The following MYB variants were observed in gnomAD, a reference collection of about 807,000 sequenced individuals.
The protein encoded by MYB is transcriptional activator Myb.
In MYB, 28 loss-of-function variants were observed where a neutral mutation model predicts 92.9. That is an observed-to-expected ratio of 0.30 (90% CI 0.22 to 0.41). MYB has a LOEUF of 0.41. Among genes scored for constraint, MYB ranks in the 10% least tolerant of loss-of-function variants. The pLI, the probability that MYB is intolerant of heterozygous loss-of-function variation, is 1.00. For synonymous variants in MYB, 295 were observed against 329.1 expected, an observed-to-expected ratio of 0.90 and a Z score of 1.12; for missense variants, 679 against 929.3, an observed-to-expected ratio of 0.73 and a Z score of 3.50.
intron 11 of MYB, 37 bp from the exon 12 acceptor site, chr6:135,200,048 C>CT (rs1446027844): frequency 6.8e-7 from 1 of 1,477,860 alleles, no homozygotes; most frequent in African/African-American, 1.4e-5. Flanking sequence ...GACATTTATT[C>CT]TTTTGTATTG....
intron 15 of MYB, among the ~76,000 whole-genome samples, chr6:135,216,085 A>G (rs771745680): frequency 2.6e-5 from 4 of 152,136 alleles, no homozygotes; most frequent in Non-Finnish European, 5.9e-5. Flanking sequence ...CCCTCTCTGC[A>G]TTGACTGCTA....
At chr6:135,196,055 C>T in intron 9 of MYB, 53 bp downstream of exon 9, 1 of 1,565,688 alleles carries the variant, frequency 6.4e-7, no homozygotes, top group Admixed American at 1.7e-5. Context: ...AATTAGAAAA[C>T]CCATTTCTTA....
At chr6:135,211,576 G>C (rs951334179) in intron 15 of MYB, among the ~76,000 whole-genome samples, 4 of 152,164 alleles carry the variant, frequency 2.6e-5, no homozygotes, top group African/African-American at 9.7e-5. Context: ...AATCTTAATA[G>C]TTTGGAACTC....
chr6:135,197,766 T>C (rs1043437189), intron 10 of MYB, among the ~76,000 whole-genome samples: 6 of 152,148 alleles, frequency 3.9e-5, no homozygotes, highest in Middle Eastern at 3.2e-3. Flanking sequence ...AACTAGAAAA[T>C]TTAAAGCTAG....
Position 135,181,593 on chromosome 6 carries a change from G to C in MYB, c.23+57G>C. ...GGGGGCGCGCGGGGGCGCGCGGGGC[G>C]CCAGGCTCCCGGGAGCAGGTGGGAA... On this transcript the variant is annotated intron_variant, in intron 1 of 15. Transcript: ENST00000341911. The surrounding 1 kb of genome is among the most constrained non-coding windows in gnomAD (Gnocchi z 5.3). The C allele has an allele frequency of 1.8e-6, 2 of 1,098,872 alleles. No homozygotes were observed. Among genetic ancestry groups the C allele is most frequent in the Non-Finnish European group, 2.3e-6 (2 of 886,982 alleles). 68.1% of individuals were successfully genotyped at this position (1,098,872 alleles called of 1,614,324 possible). A position where few individuals can be genotyped will look rare whatever the true frequency, so the allele number is the denominator to read the frequency against.
Position 135,190,460 on chromosome 6 carries a change from A to G in MYB, c.527+113A>G, listed in dbSNP as rs931968266. The G allele has an allele frequency of 3.1e-5, 26 of 832,052 alleles. No individual in the cohort carries two copies. Among genetic ancestry groups the G allele is most frequent in the Non-Finnish European group, 4.5e-5 (24 of 529,504 alleles). 51.5% of individuals were successfully genotyped at this position (832,052 alleles called of 1,614,324 possible). On this transcript the variant is annotated intron_variant, in intron 5 of 15. Transcript: ENST00000341911. The surrounding 1 kb of genome is among the most constrained non-coding windows in gnomAD (Gnocchi z 4.5). ...ATATTTCATCAGTCGTAAGTGTTTT[A>G]TTAGATAAACCAGCTACATAGCTTT...
At position 135,189,452 on chromosome 6, in the gene MYB, G is replaced by GAATC. The variant is rs1776361136; in HGVS notation, c.214-338_214-335dup. 3.3e-5 allele frequency among the ~76,000 whole-genome samples: 5 copies of GAATC among 152,282 alleles called. No individual in the cohort carries two copies. In the South Asian group the frequency reaches 1.0e-3, roughly 32 times the overall value. On this transcript the variant is annotated intron_variant, in intron 3 of 15. Transcript: ENST00000341911. ...GTTTCCATGAAAGCCTGACAACATAGAATCTCTATCAAGCCTCAGGCTATG... is the reference window on the plus strand; with the variant it reads ...GTTTCCATGAAAGCCTGACAACATAGAATCAATCTCTATCAAGCCTCAGGCTATG...
chr6:135,196,125 G>A, intron 9 of MYB, 123 bp downstream of exon 9: 1 of 1,028,962 alleles, frequency 9.7e-7, no homozygotes, highest in East Asian at 2.6e-5. Context: ...AAAGGTAGAA[G>A]TATGATTTTC....
In MYB at chr6:135,195,976, G is replaced by A; in HGVS notation, c.1177G>A (p.Ala393Thr). The change falls in exon 9 of 16, where the codon GCA (alanine) becomes ACA (threonine). Residue 393 changes from alanine (A) to threonine (T), a missense_variant. Coordinates refer to ENST00000341911, the MANE Select transcript of MYB (RefSeq NM_001130173.2). ...LDNVKNLLEF[A>T]ETLQFIDSDS... ...TAATGTTAAGAACCTCTTAGAATTTGCAGAAACACTCCAATTTATAGATTC... is the reference window on the plus strand; with the variant it reads ...TAATGTTAAGAACCTCTTAGAATTTACAGAAACACTCCAATTTATAGATTC... 2 of 1,613,908 alleles carry A rather than the reference G, an allele frequency of 1.2e-6. No homozygotes were observed. The highest frequency in any genetic ancestry group is 1.7e-6 in the Non-Finnish European group (2 of 1,179,800).
chr6:135,204,334 G>C (rs554186416), intron 15 of MYB, among the ~76,000 whole-genome samples: 14 of 152,112 alleles, frequency 9.2e-5, no homozygotes, highest in Non-Finnish European at 2.1e-4. Flanking sequence ...GGTCTTACCC[G>C]GTGGCCCAGG....
chr6:135,206,205 C>CAAAAAAAAAAAAA (rs67836018), intron 15 of MYB, among the ~76,000 whole-genome samples: 3 of 87,344 alleles, frequency 3.4e-5, no homozygotes, highest in Non-Finnish European at 4.3e-5. Context: ...GACTCCATCT[C>CAAAAAAAAAAAAA]AAAAAAAAAA....
chr6:135,189,699 G>A, intron 3 of MYB, 92 bp from the exon 4 acceptor site: 1 of 962,198 alleles, frequency 1.0e-6, no homozygotes, highest in South Asian at 1.4e-5. Context: ...TATTTTCACT[G>A]CATATGGTCT....
rs750042379 is a variant in MYB at position 135,200,276 on chromosome 6, A to T, written c.1825-14A>T. The stretch of plus-strand genomic sequence containing the variant: ...AGTTCTCTCTGATGCAAAAATACCC[A>T]CTCTTCCGTTTAGCCTCAGACACCC... On this transcript the variant is annotated splice_polypyrimidine_tract_variant and intron_variant, in intron 12 of 15. Coordinates refer to ENST00000341911, the MANE Select transcript of MYB (RefSeq NM_001130173.2). 6.2e-7 allele frequency: 1 copy of T among 1,613,080 alleles called. No individual in the cohort carries two copies. The highest frequency in any genetic ancestry group is 2.2e-5 in the East Asian group (1 of 44,860).
In MYB at chr6:135,198,990, T is replaced by C; in HGVS notation, c.1649T>C (p.Leu550Ser). 6.2e-7 allele frequency: 1 copy of C among 1,612,234 alleles called. No individual in the cohort carries two copies. Among genetic ancestry groups the C allele is most frequent in the East Asian group, 2.2e-5 (1 of 44,778 alleles). ...LTSTPLIGHK[L>S]TVTTPFHRDQ... is the part of the protein sequence containing the mutation. Reference sequence around the variant, plus strand: ...TCCACCCCCCTCATTGGTCACAAATTGACTGTTACAACACCATTTCATAGA... The same window carrying C: ...TCCACCCCCCTCATTGGTCACAAATCGACTGTTACAACACCATTTCATAGA... The change falls in exon 11 of 16, where the codon TTG becomes TCG. Residue 550 changes from leucine to serine, a missense_variant. Physicochemically the swap from Leu to Ser is moderately radical, Grantham distance 145. Coordinates refer to ENST00000341911, the MANE Select transcript of MYB (RefSeq NM_001130173.2).
At chr6:135,216,645 A>G (rs1348916662) in intron 15 of MYB, among the ~76,000 whole-genome samples, 2 of 152,212 alleles carry the variant, frequency 1.3e-5, no homozygotes, top group Non-Finnish European at 2.9e-5. Flanking sequence ...ACCCACAGAT[A>G]TGGGACCCAC....
At chr6:135,207,957 C>T (rs2128313496) in intron 15 of MYB, among the ~76,000 whole-genome samples, 1 of 152,070 alleles carries the variant, frequency 6.6e-6, no homozygotes, top group East Asian at 1.9e-4. Context: ...GAACTGCTGA[C>T]CTCAAGTGAT....
At chr6:135,206,727 A>T (rs376555398) in intron 15 of MYB, among the ~76,000 whole-genome samples, 2 of 152,138 alleles carry the variant, frequency 1.3e-5, no homozygotes, top group African/African-American at 4.8e-5. Flanking sequence ...ATCTGCTATA[A>T]TAGATACTAA....
intron 3 of MYB, among the ~76,000 whole-genome samples, chr6:135,188,504 T>G (rs1301518097): frequency 6.7e-6 from 1 of 148,906 alleles, no homozygotes; most frequent in Admixed American, 6.7e-5. Context: ...TTTTTTTTTT[T>G]TTGTTTTTTG....
chr6:135,203,658 A>G (rs1778457053), intron 15 of MYB: 1 of 1,268,826 alleles, frequency 7.9e-7, no homozygotes, highest in Non-Finnish European at 1.1e-6. Context: ...TTATAAAAAT[A>G]TATCAATATA....
Sources: allele counts gnomAD v4.1 joint callset (sites outside exome capture counted in the v4.1 genomes callset), GRCh38; gene constraint gnomAD v4.1.1; non-coding constraint Gnocchi (gnomAD v3.1); transcripts MANE v1.5; gene names NCBI Gene and HGNC (gene_info 2026-07-23, HGNC 2026-07-21).